RAPGEF4: variants seen among roughly 807,000 people sequenced by gnomAD.
RAPGEF4 encodes the protein Rap guanine nucleotide exchange factor 4.
A neutral mutation model predicts 147.9 loss-of-function variants in RAPGEF4; 66 were observed. The observed-to-expected ratio is 0.45, with a 90% CI of 0.37 to 0.55. RAPGEF4 has a LOEUF of 0.55. Ranked by LOEUF, RAPGEF4 falls within the 20% of genes least tolerant of loss-of-function variation. The pLI is 0.00. For synonymous variants in RAPGEF4, 419 were observed against 442.7 expected (o/e 0.95, Z 0.67); for missense variants, 1,071 against 1,257.3 (o/e 0.85, Z 2.24).
In RAPGEF4 at chr2:173,051,713, C is replaced by T; in HGVS notation, c.2982C>T (p.Asp994=). The T allele has an allele frequency of 2.5e-6, 4 of 1,614,002 alleles. No homozygotes were observed. The highest frequency in any genetic ancestry group is 2.2e-5 in the East Asian group (1 of 44,878). Residue 994 remains aspartate (D), a synonymous_variant, in exon 31 of 31, where the codon GAC becomes GAT. Coordinates refer to ENST00000397081, the MANE Select transcript of RAPGEF4 (RefSeq NM_007023.4). ...RSYVRQLNVI[D]NQRTLSQMSH... Reference sequence around the variant, plus strand: ...ATGTACGGCAATTAAATGTGATTGACAACCAGAGAACTTTATCACAGATGT... The same window carrying T: ...ATGTACGGCAATTAAATGTGATTGATAACCAGAGAACTTTATCACAGATGT...
intron 4 of RAPGEF4, among the ~76,000 whole-genome samples, chr2:172,829,893 G>T (rs1018421988): frequency 6.6e-6 from 1 of 151,166 alleles, no homozygotes; most frequent in Non-Finnish European, 1.5e-5. Flanking sequence ...CTTTTTACCT[G>T]GGATTCTTGA....
chr2:172,894,856 C>A (rs951357138), intron 4 of RAPGEF4, among the ~76,000 whole-genome samples: 7 of 152,076 alleles, frequency 4.6e-5, no homozygotes, highest in African/African-American at 1.7e-4. Context: ...CACATGCATA[C>A]TCTATTTTGG....
In RAPGEF4 at chr2:172,799,479, G is replaced by A. The variant is rs150700387; in HGVS notation, c.297+1866G>A. Among the ~76,000 whole-genome samples, 645 of 152,236 alleles carry A rather than the reference G, an allele frequency of 4.2e-3. 1 individual carries two copies. Among genetic ancestry groups the A allele is most frequent in the Middle Eastern group, 0.014 (4 of 294 alleles). ...TTGTCATCCTTTCAGATTACCCCAT[G>A]TCCTTCTTTCTGCATATCTCCTACC... On this transcript the variant is annotated intron_variant, in intron 3 of 30. Transcript: ENST00000397081.
rs559553440 is a variant in RAPGEF4 at position 172,897,397 on chromosome 2, A to T, written c.445-20405A>T. Among the ~76,000 whole-genome samples the T allele has an allele frequency of 3.8e-3, 573 of 151,598 alleles. 5 individuals are homozygous for T. The highest frequency in any genetic ancestry group is 0.013 in the African/African-American group (537 of 41,316). ...TGCTGGGTTTTTGGGGTTTTTTAAA[A>T]ATATATATATATAGAGAGAGAGACA... On this transcript the variant is annotated intron_variant, in intron 4 of 30. Coordinates refer to ENST00000397081, the MANE Select transcript of RAPGEF4 (RefSeq NM_007023.4).
chr2:173,043,185 G>A (rs908522195), intron 29 of RAPGEF4, among the ~76,000 whole-genome samples: 1 of 152,254 alleles, frequency 6.6e-6, no homozygotes, highest in African/African-American at 2.4e-5. Context: ...TTTTACACAT[G>A]CTAAGCAAGG....
chr2:172,958,135 A>G (rs1299941410), intron 6 of RAPGEF4, among the ~76,000 whole-genome samples: 1 of 152,244 alleles, frequency 6.6e-6, no homozygotes, highest in Non-Finnish European at 1.5e-5. Flanking sequence ...AGATCACTGC[A>G]AAGGAAAGTA....
At chr2:172,863,778 G>A (rs893578616) in intron 4 of RAPGEF4, among the ~76,000 whole-genome samples, 6 of 152,130 alleles carry the variant, frequency 3.9e-5, no homozygotes, top group South Asian at 2.1e-4. Context: ...CTTTATAGGA[G>A]CGATGTTGTA....
rs772393278 is a variant in RAPGEF4, at chr2:173,027,062, G to T, written c.2380-19G>T. ...GATTTAAAAAAAAATAAGCAAAATT[G>T]TTTTCCTTTATTTTCTAGCTGGAGC... On this transcript the variant is annotated intron_variant, in intron 24 of 30. Coordinates refer to ENST00000397081, the MANE Select transcript of RAPGEF4 (RefSeq NM_007023.4). The T allele has an allele frequency of 1.9e-6, 3 of 1,559,586 alleles. No homozygotes were observed. The highest frequency in any genetic ancestry group is 2.6e-6 in the Non-Finnish European group (3 of 1,157,952).
At chr2:172,879,917 C>A (rs1490505772) in intron 4 of RAPGEF4, among the ~76,000 whole-genome samples, 4 of 152,166 alleles carry the variant, frequency 2.6e-5, no homozygotes, top group South Asian at 2.1e-4. Flanking sequence ...TTCAGGAAAC[C>A]AAAGGTGGGT....
At position 172,740,928 on chromosome 2, in the gene RAPGEF4, G is replaced by A. The variant is rs573916373; in HGVS notation, c.65+4880G>A. Among the ~76,000 whole-genome samples, 112 of 152,314 alleles carry A rather than the reference G, an allele frequency of 7.4e-4. 1 individual carries two copies. Among genetic ancestry groups the A allele is most frequent in the African/African-American group, 2.4e-3 (101 of 41,582 alleles). ...TCACATCAGAGAAGTGGACACTCAC[G>A]TCCTTTGGCTAATGTATTCTTCCTC... On this transcript the variant is annotated intron_variant, in intron 1 of 30. Coordinates refer to ENST00000397081, the MANE Select transcript of RAPGEF4 (RefSeq NM_007023.4).
At chr2:173,003,959 A>G (rs1694200696) in intron 17 of RAPGEF4, among the ~76,000 whole-genome samples, 2 of 152,242 alleles carry the variant, frequency 1.3e-5, no homozygotes, top group Admixed American at 1.3e-4. Flanking sequence ...TTAGTGGAGT[A>G]TTTTTAAAGT....
At chr2:172,851,326 T>G (rs979900195) in intron 4 of RAPGEF4, among the ~76,000 whole-genome samples, 2 of 152,198 alleles carry the variant, frequency 1.3e-5, no homozygotes, top group African/African-American at 2.4e-5. Flanking sequence ...TTTGTTTTTT[T>G]GAGTTTGCTA....
At chr2:172,918,074 A>G (rs777885442) in intron 5 of RAPGEF4, 200 bp downstream of exon 5, 12 of 730,348 alleles carry the variant, frequency 1.6e-5, no homozygotes, top group Non-Finnish European at 3.0e-5. Flanking sequence ...CTTAGCTGAT[A>G]GAGAGAGGTA....
At chr2:172,852,332 T>C (rs1164785432) in intron 4 of RAPGEF4, among the ~76,000 whole-genome samples, 7 of 152,206 alleles carry the variant, frequency 4.6e-5, no homozygotes, top group African/African-American at 1.7e-4. Context: ...CTTAAGCTAA[T>C]GAATTGTCAA....
chr2:172,840,942 C>T (rs1691518634), intron 4 of RAPGEF4, among the ~76,000 whole-genome samples: 1 of 152,260 alleles, frequency 6.6e-6, no homozygotes, highest in Admixed American at 6.5e-5. Context: ...TGGCCCAGGG[C>T]TGACGCCATA....
rs1425587216 is a variant in RAPGEF4 at position 172,917,872 on chromosome 2, A to AGCC, written c.515_516insGCC (p.Asp172delinsGluPro). 6.2e-7 allele frequency: 1 copy of AGCC among 1,612,322 alleles called. No individual in the cohort carries two copies. The highest frequency in any genetic ancestry group is 1.3e-5 in the African/African-American group (1 of 74,878). ...GTTATGGAAACGGGCTCTAACAATGACAGTAAGTGGAAAATGTGAACATTT... is the reference window on the plus strand; with the variant it reads ...GTTATGGAAACGGGCTCTAACAATGAGCCCAGTAAGTGGAAAATGTGAACATTT... On this transcript the variant is annotated protein_altering_variant and splice_region_variant, in exon 5 of 31. Transcript: ENST00000397081.
intron 4 of RAPGEF4, among the ~76,000 whole-genome samples, chr2:172,850,106 C>G (rs957108655): frequency 6.6e-6 from 1 of 152,044 alleles, no homozygotes; most frequent in African/African-American, 2.4e-5. Flanking sequence ...ATGTTTTCTT[C>G]TATTTCCTAC....
At chr2:172,854,921 A>T (rs1406283993) in intron 4 of RAPGEF4, among the ~76,000 whole-genome samples, 1 of 152,162 alleles carries the variant, frequency 6.6e-6, no homozygotes, top group Non-Finnish European at 1.5e-5. Flanking sequence ...ATTAATGCAA[A>T]AATTGCTTGT....
intron 6 of RAPGEF4, among the ~76,000 whole-genome samples, chr2:172,935,807 G>A (rs913034600): frequency 7.2e-5 from 11 of 152,188 alleles, no homozygotes; most frequent in Non-Finnish European, 2.9e-5. Context: ...GAGCTACTTA[G>A]ATGTGGATGC....
Sources: gnomAD v4.1 joint callset for allele counts (sites outside exome capture counted in the v4.1 genomes callset) on GRCh38, gnomAD v4.1.1 for gene constraint, MANE v1.5 for transcripts, NCBI Gene and HGNC (gene_info 2026-07-23, HGNC 2026-07-21) for gene names.